The following ENOX1 variants were observed in gnomAD, a reference collection of about 807,000 sequenced individuals.
ENOX1 encodes the protein candidate growth-related and time keeping constitutive hydroquinone (NADH) oxidase.
A neutral mutation model predicts 82.5 loss-of-function variants in ENOX1; 42 were observed. That is an observed-to-expected ratio of 0.51 (90% CI 0.40 to 0.66). The LOEUF (loss-of-function observed/expected upper bound fraction) is 0.66, where lower values mean the gene tolerates loss of function less well. Ranked by LOEUF, ENOX1 falls within the 30% of genes least tolerant of loss-of-function variation. The probability of loss-of-function intolerance (pLI) is 0.00; values close to 1 mark genes in which losing one functional copy is unlikely to be tolerated. For missense variants in ENOX1, 608 were observed against 811.6 expected (o/e 0.75, Z 3.05); for synonymous variants, 271 against 282.2 (o/e 0.96, Z 0.40).
intron 2 of ENOX1, among the ~76,000 whole-genome samples, chr13:43,640,896 G>A (rs1394022299): frequency 5.9e-5 from 6 of 100,866 alleles, no homozygotes; most frequent in Middle Eastern, 4.3e-3. Flanking sequence ...ACACACACAC[G>A]TACACACACA....
chr13:43,290,781 C>T (rs2045958532), intron 12 of ENOX1, among the ~76,000 whole-genome samples: 1 of 152,216 alleles, frequency 6.6e-6, no homozygotes, highest in Non-Finnish European at 1.5e-5. Flanking sequence ...AATTCCAGTA[C>T]TTTGGGAGGT....
chr13:43,539,486 G>A (rs1019731963), intron 2 of ENOX1, among the ~76,000 whole-genome samples: 2 of 152,004 alleles, frequency 1.3e-5, no homozygotes, highest in East Asian at 3.9e-4. Context: ...TCAAGATTTT[G>A]CTGTTGTTTT....
intron 3 of ENOX1, among the ~76,000 whole-genome samples, chr13:43,431,332 T>C (rs1252743230): frequency 6.6e-6 from 1 of 152,182 alleles, no homozygotes; most frequent in Non-Finnish European, 1.5e-5. Context: ...CTTCTCTTAG[T>C]GACTCTGCAC....
At chr13:43,497,201 T>G (rs973634387) in intron 2 of ENOX1, among the ~76,000 whole-genome samples, 1 of 152,152 alleles carries the variant, frequency 6.6e-6, no homozygotes, top group Non-Finnish European at 1.5e-5. Context: ...TTAAGTAAAT[T>G]TTTGACTTGC....
At chr13:43,412,697 G>C in intron 4 of ENOX1, 148 bp downstream of exon 4, 7 of 756,712 alleles carry the variant, frequency 9.3e-6, no homozygotes, top group Non-Finnish European at 1.4e-5. Flanking sequence ...TTGACTTAGT[G>C]CTCTTTCATT....
intron 1 of ENOX1, among the ~76,000 whole-genome samples, chr13:43,740,901 C>T (rs1013759107): frequency 2.0e-5 from 3 of 152,116 alleles, no homozygotes; most frequent in Non-Finnish European, 4.4e-5. Context: ...AGGACATTGG[C>T]GTTGTTCCCT....
intron 14 of ENOX1, among the ~76,000 whole-genome samples, chr13:43,245,334 C>T (rs536971193): frequency 6.6e-6 from 1 of 152,306 alleles, no homozygotes; most frequent in South Asian, 2.1e-4. Context: ...GTGCCCTTTT[C>T]CCTGACTTGG....
intron 2 of ENOX1, among the ~76,000 whole-genome samples, chr13:43,494,699 A>G (rs115916554): frequency 0.014 from 2,087 of 152,320 alleles, 40 homozygotes; most frequent in African/African-American, 0.046. Context: ...TGAGAATAAC[A>G]AATTTGAAAT....
chr13:43,527,745 C>T (rs1423162795), intron 2 of ENOX1, among the ~76,000 whole-genome samples: 5 of 152,102 alleles, frequency 3.3e-5, no homozygotes, highest in African/African-American at 4.8e-5. Context: ...TGAGCCAGTG[C>T]AATGTCTATA....
At chr13:43,345,306 T>G (rs1177441912) in intron 8 of ENOX1, among the ~76,000 whole-genome samples, 1 of 152,226 alleles carries the variant, frequency 6.6e-6, no homozygotes, top group East Asian at 1.9e-4. Context: ...AGTTCAAAAC[T>G]AATTCCATTT....
intron 1 of ENOX1, among the ~76,000 whole-genome samples, chr13:43,719,139 C>T (rs1295555859): frequency 6.6e-6 from 1 of 152,084 alleles, no homozygotes; most frequent in East Asian, 1.9e-4. Flanking sequence ...GGCAACCATT[C>T]CCTGAAGGTC....
At chr13:43,437,087 G>C (rs2056075423) in intron 3 of ENOX1, among the ~76,000 whole-genome samples, 1 of 152,096 alleles carries the variant, frequency 6.6e-6, no homozygotes, top group Non-Finnish European at 1.5e-5. Context: ...ACATACCAAA[G>C]GGATGTTTAT....
At chr13:43,561,992 AGAGGGAGGGAGG>A (rs565128218) in intron 2 of ENOX1, among the ~76,000 whole-genome samples, 5 of 117,276 alleles carry the variant, frequency 4.3e-5, no homozygotes, top group East Asian at 2.9e-4. Flanking sequence ...AGGAAGAGAG[AGAGGGAGGGAGG>A]GAGGGAGGGA....
At chr13:43,465,429 T>A (rs2057674732) in intron 3 of ENOX1, among the ~76,000 whole-genome samples, 2 of 152,172 alleles carry the variant, frequency 1.3e-5, no homozygotes, top group African/African-American at 4.8e-5. Context: ...CATGCCTACA[T>A]CTTTTTGTTT....
chr13:43,571,313 C>A (rs548680598), intron 2 of ENOX1, among the ~76,000 whole-genome samples: 2 of 152,304 alleles, frequency 1.3e-5, no homozygotes, highest in South Asian at 4.1e-4. Context: ...ATCTGTCTCA[C>A]TCTCATGTTT....
chr13:43,770,943 C>G (rs1178574335), intron 1 of ENOX1, among the ~76,000 whole-genome samples: 1 of 151,942 alleles, frequency 6.6e-6, no homozygotes, highest in East Asian at 1.9e-4. Context: ...CCTCTCCAAA[C>G]TTGTGTTCCA....
chr13:43,395,899 C>G (rs1158117865), intron 5 of ENOX1, among the ~76,000 whole-genome samples: 2 of 152,154 alleles, frequency 1.3e-5, no homozygotes, highest in African/African-American at 4.8e-5. Flanking sequence ...CTTTCCTGCT[C>G]ATATTTCCAC....
At chr13:43,521,038 A>T (rs2077746613) in intron 2 of ENOX1, among the ~76,000 whole-genome samples, 1 of 152,178 alleles carries the variant, frequency 6.6e-6, no homozygotes, top group African/African-American at 2.4e-5. Flanking sequence ...TCCTTAATAT[A>T]GCAATGCATG....
chr13:43,648,747 CT>C (rs1313782591), intron 2 of ENOX1, among the ~76,000 whole-genome samples: 1 of 152,216 alleles, frequency 6.6e-6, no homozygotes, highest in African/African-American at 2.4e-5. Context: ...ACTTTTAAGG[CT>C]TTATTTTTAC....
Sources: allele counts gnomAD v4.1 joint callset (sites outside exome capture counted in the v4.1 genomes callset), GRCh38; gene constraint gnomAD v4.1.1; transcripts MANE v1.5; gene names NCBI Gene and HGNC (gene_info 2026-07-23, HGNC 2026-07-21).